The following POU2AF2 variants were observed in gnomAD, a reference collection of about 807,000 sequenced individuals.
POU2AF2 encodes the protein POU domain class 2-associating factor 2.
the POU2AF2 span, among the ~76,000 whole-genome samples, chr11:111,268,214 A>G: frequency 6.6e-6 from 1 of 152,214 alleles, no homozygotes; most frequent in South Asian, 2.1e-4. Flanking sequence ...GATGGGAAAA[A>G]GGGTAAGCTT....
the POU2AF2 span, chr11:111,281,515 A>G: frequency 3.3e-6 from 5 of 1,513,248 alleles, no homozygotes; most frequent in Non-Finnish European, 4.6e-6. Flanking sequence ...ATTCTTTCAT[A>G]ACGACCTTAC....
chr11:111,264,018 A>G, the POU2AF2 span, among the ~76,000 whole-genome samples: 1 of 152,224 alleles, frequency 6.6e-6, no homozygotes, highest in African/African-American at 2.4e-5. Flanking sequence ...TTAGAATTCA[A>G]AACAATATAA....
chr11:111,247,662 C>G, the POU2AF2 span, among the ~76,000 whole-genome samples: 1 of 151,276 alleles, frequency 6.6e-6, no homozygotes, highest in African/African-American at 2.4e-5. Flanking sequence ...TGGCGGGCGC[C>G]TATAGTACCA....
the POU2AF2 span, chr11:111,255,907 C>A: frequency 7.5e-6 from 3 of 398,218 alleles, no homozygotes; most frequent in Non-Finnish European, 1.3e-5. Flanking sequence ...CAATGATCAG[C>A]CCCCTAAACA....
chr11:111,280,055 A>ATATAT, the POU2AF2 span, among the ~76,000 whole-genome samples: 6 of 65,732 alleles, frequency 9.1e-5, no homozygotes, highest in South Asian at 7.3e-4. Context: ...AAAAAAAAAA[A>ATATAT]AAATATATAT....
At chr11:111,284,353 C>T in the POU2AF2 span, 3 of 1,608,134 alleles carry the variant, frequency 1.9e-6, no homozygotes, top group Non-Finnish European at 1.7e-6. Flanking sequence ...CGCCCTTCCC[C>T]GGAGACCCAG....
chr11:111,268,494 T>TTTA, the POU2AF2 span, among the ~76,000 whole-genome samples: 1 of 59,460 alleles, frequency 1.7e-5, no homozygotes, highest in Non-Finnish European at 3.9e-5. Context: ...TTTATTTTAT[T>TTTA]TTATTTTATT....
At chr11:111,252,074 T>G in the POU2AF2 span, among the ~76,000 whole-genome samples, 1 of 152,184 alleles carries the variant, frequency 6.6e-6, no homozygotes, top group African/African-American at 2.4e-5. Context: ...AAAAAGCACT[T>G]TAAAAAGCAA....
chr11:111,259,183 T>G, the POU2AF2 span, among the ~76,000 whole-genome samples: 1 of 152,156 alleles, frequency 6.6e-6, no homozygotes, highest in Non-Finnish European at 1.5e-5. Flanking sequence ...ATAGACACAC[T>G]AACCCCGAGA....
At chr11:111,270,504 G>A in the POU2AF2 span, among the ~76,000 whole-genome samples, 1 of 152,078 alleles carries the variant, frequency 6.6e-6, no homozygotes, top group African/African-American at 2.4e-5. Flanking sequence ...TATAACCTAG[G>A]CTTTGTAGAA....
chr11:111,265,557 T>C, the POU2AF2 span, among the ~76,000 whole-genome samples: 4,745 of 152,196 alleles, frequency 0.031, 241 homozygotes, highest in African/African-American at 0.11. Flanking sequence ...ATGGAAGGTG[T>C]TGTGAAAGTG....
chr11:111,258,916 C>T, the POU2AF2 span, among the ~76,000 whole-genome samples: 1 of 152,164 alleles, frequency 6.6e-6, no homozygotes. Context: ...GCTATTGACC[C>T]AGTGACAGTG....
chr11:111,273,989 G>T, the POU2AF2 span, among the ~76,000 whole-genome samples: 2 of 152,150 alleles, frequency 1.3e-5, no homozygotes, highest in African/African-American at 4.8e-5. Flanking sequence ...GCTCTTCAAT[G>T]TTAATTTCAA....
At chr11:111,272,436 T>C in the POU2AF2 span, among the ~76,000 whole-genome samples, 1 of 152,234 alleles carries the variant, frequency 6.6e-6, no homozygotes, top group Non-Finnish European at 1.5e-5. Flanking sequence ...TCTATCTCAT[T>C]GGTTAATGGT....
chr11:111,284,299 G>A, the POU2AF2 span: 4 of 1,613,382 alleles, frequency 2.5e-6, no homozygotes, highest in South Asian at 3.3e-5. Context: ...CGCCCAACGC[G>A]GGCTCTCTGT....
the POU2AF2 span, among the ~76,000 whole-genome samples, chr11:111,262,417 C>T: frequency 6.6e-6 from 1 of 152,224 alleles, no homozygotes; most frequent in African/African-American, 2.4e-5. Flanking sequence ...TGTTTAGTTA[C>T]ACATTCAGCT....
chr11:111,286,033 T>G, the POU2AF2 span: 6 of 1,613,544 alleles, frequency 3.7e-6, no homozygotes, highest in Non-Finnish European at 5.1e-6. Context: ...GGGGGTCATA[T>G]GAATGCCGCA....
At chr11:111,276,451 AAAATATATAT>A in the POU2AF2 span, among the ~76,000 whole-genome samples, 4 of 41,968 alleles carry the variant, frequency 9.5e-5, no homozygotes, top group African/African-American at 2.9e-4. Flanking sequence ...AAAAAAAAAA[AAAATATATAT>A]ATATATATAT....
At chr11:111,283,970 G>A in the POU2AF2 span, 8 of 981,246 alleles carry the variant, frequency 8.2e-6, no homozygotes, top group Non-Finnish European at 3.1e-6. Flanking sequence ...GTTGGAGTCA[G>A]GCACGCGTTA....
Sources: allele counts gnomAD v4.1 joint callset (sites outside exome capture counted in the v4.1 genomes callset), GRCh38; gene constraint gnomAD v4.1.1; transcripts MANE v1.5; gene names NCBI Gene and HGNC (gene_info 2026-07-23, HGNC 2026-07-21).